SH3TC2: variants seen among roughly 807,000 people sequenced by gnomAD.
The protein encoded by SH3TC2 is SH3 domain and tetratricopeptide repeats 2.
A neutral mutation model predicts 124.5 loss-of-function variants in SH3TC2; 87 were observed. That is an observed-to-expected ratio of 0.70 (90% CI 0.59 to 0.84). SH3TC2 has a LOEUF of 0.84. Among genes scored for constraint, SH3TC2 ranks in the 40% least tolerant of loss-of-function variants. SH3TC2 has a pLI of 0.00. For synonymous variants in SH3TC2, 634 were observed against 628.5 expected, an observed-to-expected ratio of 1.01 and a Z score of -0.13; for missense variants, 1,536 against 1,566.4, an observed-to-expected ratio of 0.98 and a Z score of 0.33.
intron 8 of SH3TC2, among the ~76,000 whole-genome samples, chr5:149,032,747 G>A (rs1428353460): frequency 6.6e-6 from 1 of 152,144 alleles, no homozygotes; most frequent in African/African-American, 2.4e-5. Flanking sequence ...AGTGTTCAAG[G>A]AGGGGATGGG....
At position 149,004,371 on chromosome 5, in the gene SH3TC2, T is replaced by G; in HGVS notation, c.*340A>C. On this transcript the variant is annotated 3_prime_UTR_variant, in exon 17 of 17. Coordinates refer to ENST00000515425, the MANE Select transcript of SH3TC2 (RefSeq NM_024577.4). ...CCAGTGCAGTGACTGATTTCCTCAT[T>G]GGGGGAGGAAGGAAGGCTCCTGGAG... 3.4e-6 allele frequency: 1 copy of G among 290,410 alleles called. No individual in the cohort carries two copies. Among genetic ancestry groups the G allele is most frequent in the Non-Finnish European group, 6.5e-6 (1 of 153,754 alleles). 18.0% of individuals were successfully genotyped at this position (290,410 alleles called of 1,614,324 possible).
chr5:149,030,127 T>C (rs1376660075), intron 9 of SH3TC2, among the ~76,000 whole-genome samples: 1 of 152,196 alleles, frequency 6.6e-6, no homozygotes, highest in Admixed American at 6.5e-5. Flanking sequence ...CTCTCTGATG[T>C]GGAGGGGTAC....
intron 1 of SH3TC2, 86 bp from the exon 2 acceptor site, chr5:149,052,326 G>T: frequency 2.0e-6 from 2 of 1,019,930 alleles, no homozygotes; most frequent in South Asian, 1.3e-5. Context: ...TTGGTCAAGT[G>T]ACAAATTTTT....
chr5:149,032,856 G>A (rs1754219918), intron 8 of SH3TC2, among the ~76,000 whole-genome samples: 1 of 152,112 alleles, frequency 6.6e-6, no homozygotes. Flanking sequence ...GTACCACACT[G>A]ACTGGGCCCC....
chr5:149,029,182 C>T (rs1487017522), intron 9 of SH3TC2, among the ~76,000 whole-genome samples: 1 of 152,212 alleles, frequency 6.6e-6, no homozygotes, highest in Non-Finnish European at 1.5e-5. Flanking sequence ...GTATCACATC[C>T]TTCCTTCTTG....
rs1402735471 is a variant in SH3TC2, at chr5:148,991,544, T to C, written c.*13167A>G. On this transcript the variant is annotated 3_prime_UTR_variant, in exon 17 of 17. Coordinates refer to ENST00000515425, the MANE Select transcript of SH3TC2 (RefSeq NM_024577.4). Reference sequence around the variant, plus strand: ...TCTGTCAGATAATACAGTGGTTATATCTGAAGGGTTTCCCCCAGGAGCTCC... The same window carrying C: ...TCTGTCAGATAATACAGTGGTTATACCTGAAGGGTTTCCCCCAGGAGCTCC... Among the ~76,000 whole-genome samples the C allele has an allele frequency of 2.0e-5, 3 of 152,232 alleles. No homozygotes were observed. The highest frequency in any genetic ancestry group is 4.4e-5 in the Non-Finnish European group (3 of 68,050).
Position 149,010,967 on chromosome 5 carries a change from C to T in SH3TC2, c.3205-575G>A, listed in dbSNP as rs527992266. On this transcript the variant is annotated intron_variant, in intron 13 of 16. Coordinates refer to ENST00000515425, the MANE Select transcript of SH3TC2 (RefSeq NM_024577.4). Reference sequence around the variant, plus strand: ...CCAGCTTCATGCCAATAGTCAGTGGCAAACAAATGTTGGTGTCTTCCATCC... The same window carrying T: ...CCAGCTTCATGCCAATAGTCAGTGGTAAACAAATGTTGGTGTCTTCCATCC... Among the ~76,000 whole-genome samples the T allele has an allele frequency of 3.9e-5, 6 of 152,332 alleles. No individual in the cohort carries two copies. The South Asian group carries it at 1.2e-3, about 32-fold the overall frequency.
intron 6 of SH3TC2, 93 bp downstream of exon 6, chr5:149,041,323 A>G (rs1754367770): frequency 7.5e-7 from 1 of 1,328,544 alleles, no homozygotes; most frequent in Admixed American, 1.9e-5. Context: ...CCTCCACACT[A>G]TGGATGCCCA....
At chr5:149,007,575 T>C (rs1362457044) in intron 15 of SH3TC2, 1 of 241,730 alleles carries the variant, frequency 4.1e-6, no homozygotes, top group African/African-American at 2.3e-5. Context: ...TTATCTTGGG[T>C]ACCACCATGT....
chr5:149,056,723 A>G (rs1242158592), intron 1 of SH3TC2, among the ~76,000 whole-genome samples: 1 of 152,232 alleles, frequency 6.6e-6, no homozygotes, highest in East Asian at 1.9e-4. Context: ...CTGGAAAATT[A>G]GAATGCATTC....
rs1194275421 is a variant in SH3TC2 at position 148,987,807 on chromosome 5, A to ATT, written c.*16903_*16904insAA. ...GTCCTCACTCGAGGCCTCATTCAAA[A>ATT]TCTGTGTGTGTGTGTGTGTGTGTGT... On this transcript the variant is annotated 3_prime_UTR_variant, in exon 17 of 17. Coordinates refer to ENST00000515425, the MANE Select transcript of SH3TC2 (RefSeq NM_024577.4). 1.8e-4 allele frequency among the ~76,000 whole-genome samples: 21 copies of ATT among 116,718 alleles called. No individual in the cohort carries two copies. Among genetic ancestry groups the ATT allele is most frequent in the Non-Finnish European group, 2.7e-4 (15 of 56,012 alleles). 76.6% of individuals were successfully genotyped at this position (116,718 alleles called of 152,430 possible). A position where few individuals can be genotyped will look rare whatever the true frequency, so the allele number is the denominator to read the frequency against.
chr5:149,040,324 A>G (rs1428263029), intron 7 of SH3TC2, among the ~76,000 whole-genome samples: 1 of 152,082 alleles, frequency 6.6e-6, no homozygotes, highest in African/African-American at 2.4e-5. Context: ...TAAAATCCCT[A>G]ATTATTCCTG....
intron 15 of SH3TC2, chr5:149,008,582 G>A (rs1753730028): frequency 3.7e-6 from 2 of 534,832 alleles, no homozygotes; most frequent in Non-Finnish European, 6.7e-6. Flanking sequence ...CATGTACCCA[G>A]GATTGTGCTA....
In SH3TC2 at chr5:148,998,361, C is replaced by T. The variant is rs184940808; in HGVS notation, c.*6350G>A. On this transcript the variant is annotated 3_prime_UTR_variant, in exon 17 of 17. Transcript: ENST00000515425. ...CACTATTTAGGAAGACATCACTGCC[C>T]CCTACTGGAACTCTTGGATTTCTCA... 3.9e-4 allele frequency among the ~76,000 whole-genome samples: 59 copies of T among 152,256 alleles called. No homozygotes were observed. The highest frequency in any genetic ancestry group is 7.2e-4 in the Non-Finnish European group (49 of 68,022).
intron 7 of SH3TC2, among the ~76,000 whole-genome samples, chr5:149,038,885 C>A (rs114206142): frequency 6.6e-6 from 1 of 152,330 alleles, no homozygotes; most frequent in Non-Finnish European, 1.5e-5. Flanking sequence ...TGGCACAAAT[C>A]CACAGACCAG....
At chr5:149,040,749 A>C in intron 6 of SH3TC2, 72 bp from the exon 7 acceptor site, 1 of 1,240,060 alleles carries the variant, frequency 8.1e-7, no homozygotes. Flanking sequence ...ACAGTCTATC[A>C]GAATAATGAT....
intron 12 of SH3TC2, 147 bp from the exon 13 acceptor site, chr5:149,012,881 C>T (rs1753807891): frequency 1.1e-6 from 1 of 889,560 alleles, no homozygotes; most frequent in Admixed American, 2.0e-5. Context: ...CCAGCTCTAC[C>T]CCAATCAGCT....
chr5:149,042,639 C>T (rs1754390636), intron 5 of SH3TC2, 55 bp downstream of exon 5: 3 of 1,608,964 alleles, frequency 1.9e-6, no homozygotes, highest in Admixed American at 3.3e-5. Context: ...ATTTCATGGC[C>T]TCTGGTAGCA....
At chr5:149,010,932 C>T (rs1753773775) in intron 13 of SH3TC2, among the ~76,000 whole-genome samples, 1 of 152,172 alleles carries the variant, frequency 6.6e-6, no homozygotes, top group Admixed American at 6.5e-5. Flanking sequence ...CAAAAGAAAA[C>T]AGAACCTCCC....
Sources: allele counts gnomAD v4.1 joint callset (sites outside exome capture counted in the v4.1 genomes callset), GRCh38; gene constraint gnomAD v4.1.1; transcripts MANE v1.5; gene names NCBI Gene and HGNC (gene_info 2026-07-23, HGNC 2026-07-21).